TMEM135: variants seen among roughly 807,000 people sequenced by gnomAD.
TMEM135 encodes peroxisomal membrane protein 52.
In TMEM135, 30 loss-of-function variants were observed where a neutral mutation model predicts 60.3. The observed-to-expected ratio is 0.50, with a 90% CI of 0.37 to 0.68. The LOEUF (loss-of-function observed/expected upper bound fraction) is 0.68. TMEM135 is among the 30% of genes least tolerant of loss of function. The pLI is 0.00. For synonymous variants in TMEM135, 190 were observed against 186.7 expected (o/e 1.02, Z -0.14); for missense variants, 468 against 548.8 (o/e 0.85, Z 1.47).
intron 5 of TMEM135, among the ~76,000 whole-genome samples, chr11:87,220,139 T>C (rs558628663): frequency 6.6e-6 from 1 of 152,208 alleles, no homozygotes; most frequent in Non-Finnish European, 1.5e-5. Flanking sequence ...ATAATTTGGC[T>C]CCTAACTTGA....
chr11:87,140,262 T>C (rs995054440), intron 4 of TMEM135, among the ~76,000 whole-genome samples: 1 of 151,832 alleles, frequency 6.6e-6, no homozygotes, highest in Non-Finnish European at 1.5e-5. Context: ...AGAGATGGGG[T>C]TTCACCCTGT....
At chr11:87,311,416 A>G (rs2135449361) in intron 10 of TMEM135, among the ~76,000 whole-genome samples, 1 of 152,168 alleles carries the variant, frequency 6.6e-6, no homozygotes, top group East Asian at 1.9e-4. Flanking sequence ...GATTATTGGT[A>G]ATTGCATGTT....
rs533030633 is a variant in TMEM135, at chr11:87,255,101, TC to T, written c.509+18422del. Among the ~76,000 whole-genome samples the T allele has an allele frequency of 5.8e-4, 89 of 152,220 alleles. 1 individual carries two copies. The highest frequency in any genetic ancestry group is 5.8e-3 in the South Asian group (28 of 4,828). Reference sequence around the variant, plus strand: ...TTTTTTTCCCTTTCTTCTCCATTTCTCCCCCACTCTGACACCATTCTGACTA... The same window carrying T: ...TTTTTTTCCCTTTCTTCTCCATTTCTCCCCACTCTGACACCATTCTGACTA... On this transcript the variant is annotated intron_variant, in intron 6 of 14. Coordinates refer to ENST00000305494, the MANE Select transcript of TMEM135 (RefSeq NM_022918.4).
At chr11:87,269,349 T>TA (rs931189271) in intron 6 of TMEM135, among the ~76,000 whole-genome samples, 2 of 151,356 alleles carry the variant, frequency 1.3e-5, no homozygotes, top group African/African-American at 4.8e-5. Flanking sequence ...CTTTTTTTTT[T>TA]AAATTATTAT....
At chr11:87,258,042 G>T (rs1027040804) in intron 6 of TMEM135, among the ~76,000 whole-genome samples, 12 of 152,058 alleles carry the variant, frequency 7.9e-5, no homozygotes, top group African/African-American at 2.9e-4. Context: ...AGTATGAATA[G>T]AAATTACATT....
chr11:87,069,865 A>T (rs1856741901), intron 2 of TMEM135, among the ~76,000 whole-genome samples: 1 of 152,090 alleles, frequency 6.6e-6, no homozygotes, highest in East Asian at 1.9e-4. Flanking sequence ...TTTGAATCTG[A>T]GCTTCAGTTT....
At chr11:87,227,490 G>A (rs554278387) in intron 5 of TMEM135, among the ~76,000 whole-genome samples, 2 of 151,624 alleles carry the variant, frequency 1.3e-5, no homozygotes, top group South Asian at 4.2e-4. Flanking sequence ...CCCTGTATTT[G>A]TTTTATCAAG....
intron 4 of TMEM135, among the ~76,000 whole-genome samples, chr11:87,132,387 T>A (rs1429552209): frequency 1.3e-5 from 2 of 152,128 alleles, no homozygotes. Flanking sequence ...TGCATAGGCT[T>A]ATATAGGCTA....
intron 3 of TMEM135, among the ~76,000 whole-genome samples, chr11:87,078,047 G>C (rs1017982440): frequency 1.3e-5 from 2 of 152,104 alleles, no homozygotes; most frequent in Non-Finnish European, 2.9e-5. Context: ...AAACATTTGT[G>C]GACACATTTT....
At chr11:87,222,021 A>C (rs1940630083) in intron 5 of TMEM135, among the ~76,000 whole-genome samples, 1 of 151,530 alleles carries the variant, frequency 6.6e-6, no homozygotes, top group Non-Finnish European at 1.5e-5. Flanking sequence ...GTCTCTACTA[A>C]AAATACAAAA....
At chr11:87,318,382 C>A (rs2298571) in intron 13 of TMEM135, 147 bp downstream of exon 13, 88,650 of 664,280 alleles carry the variant, frequency 0.13, 6,406 homozygotes, top group South Asian at 0.15. Flanking sequence ...GTTTTTTTTT[C>A]AGCAAGATAG....
In TMEM135 at chr11:87,272,290, A is replaced by G. The variant is rs189244242; in HGVS notation, c.510-23492A>G. Among the ~76,000 whole-genome samples, 436 of 151,968 alleles carry G rather than the reference A, an allele frequency of 2.9e-3. 3 individuals carry two copies. The highest frequency in any genetic ancestry group is 9.9e-3 in the African/African-American group (411 of 41,462). ...AGACTGGTCTCAAACTCCTGACCTC[A>G]GGCAATCCTCCCGCCTCAGTCTCCC... On this transcript the variant is annotated intron_variant, in intron 6 of 14. Transcript: ENST00000305494.
At chr11:87,236,015 A>G (rs1940987245) in intron 5 of TMEM135, among the ~76,000 whole-genome samples, 1 of 151,958 alleles carries the variant, frequency 6.6e-6, no homozygotes, top group African/African-American at 2.4e-5. Context: ...TCATCTTCAT[A>G]TCATAGTTAA....
At chr11:87,250,377 T>C (rs1941387030) in intron 6 of TMEM135, among the ~76,000 whole-genome samples, 1 of 152,078 alleles carries the variant, frequency 6.6e-6, no homozygotes, top group Admixed American at 6.6e-5. Context: ...TGCATTGTTA[T>C]GTTGTTTGCT....
At chr11:87,267,274 A>G (rs1565148681) in intron 6 of TMEM135, among the ~76,000 whole-genome samples, 1 of 152,188 alleles carries the variant, frequency 6.6e-6, no homozygotes, top group African/African-American at 2.4e-5. Flanking sequence ...AAAAATTATC[A>G]TCTATTTATT....
At chr11:87,097,130 G>A (rs1325117141) in intron 4 of TMEM135, among the ~76,000 whole-genome samples, 6 of 151,946 alleles carry the variant, frequency 3.9e-5, no homozygotes, top group Admixed American at 1.3e-4. Flanking sequence ...CAGAGTAGTT[G>A]GGATTACAGG....
chr11:87,130,248 T>A (rs1937882902), intron 4 of TMEM135, among the ~76,000 whole-genome samples: 1 of 152,042 alleles, frequency 6.6e-6, no homozygotes, highest in South Asian at 2.1e-4. Context: ...CCAGGCTTTT[T>A]CCATCCCCTA....
At chr11:87,247,254 C>A (rs1054590938) in intron 6 of TMEM135, among the ~76,000 whole-genome samples, 4 of 152,178 alleles carry the variant, frequency 2.6e-5, no homozygotes, top group Non-Finnish European at 5.9e-5. Flanking sequence ...AGGTGTCGGT[C>A]TGCCCCTACT....
intron 5 of TMEM135, among the ~76,000 whole-genome samples, chr11:87,224,974 A>G (rs918198474): frequency 2.6e-5 from 4 of 152,062 alleles, no homozygotes; most frequent in Non-Finnish European, 5.9e-5. Context: ...TGCTTCTTAC[A>G]TTGCTGTTCT....
Sources: allele counts gnomAD v4.1 joint callset (sites outside exome capture counted in the v4.1 genomes callset), GRCh38; gene constraint gnomAD v4.1.1; transcripts MANE v1.5; gene names NCBI Gene and HGNC (gene_info 2026-07-23, HGNC 2026-07-21).